SORCS1: variants seen among roughly 807,000 people sequenced by gnomAD.
SORCS1 encodes the protein VPS10 domain-containing receptor SorCS1.
A neutral mutation model predicts 146.1 loss-of-function variants in SORCS1; 60 were observed. The ratio of observed to expected loss-of-function variants is 0.41; its 90% CI spans 0.33 to 0.51. The LOEUF is 0.51. SORCS1 is among the 20% of genes least tolerant of loss of function. The probability of loss-of-function intolerance (pLI) is 0.21; values close to 1 mark genes in which losing one functional copy is unlikely to be tolerated. For synonymous variants in SORCS1, 637 were observed against 584.0 expected, an observed-to-expected ratio of 1.09 and a Z score of -1.31; for missense variants, 1,352 against 1,487.6, an observed-to-expected ratio of 0.91 and a Z score of 1.50.
At chr10:106,726,077 T>C (rs894405330) in intron 6 of SORCS1, among the ~76,000 whole-genome samples, 4 of 152,054 alleles carry the variant, frequency 2.6e-5, no homozygotes, top group African/African-American at 9.6e-5. Context: ...CTTGCTACCC[T>C]GACCTCTCTG....
At chr10:106,842,137 G>A (rs968517724) in intron 2 of SORCS1, among the ~76,000 whole-genome samples, 21 of 151,918 alleles carry the variant, frequency 1.4e-4, no homozygotes, top group African/African-American at 3.2e-4. Flanking sequence ...GTATAGCAGC[G>A]TATCATTTTT....
intron 1 of SORCS1, among the ~76,000 whole-genome samples, chr10:107,154,191 T>C (rs989290382): frequency 4.6e-5 from 7 of 151,848 alleles, no homozygotes; most frequent in Non-Finnish European, 8.8e-5. Flanking sequence ...TTAATAGAGA[T>C]GGGGTTTCTC....
At chr10:106,976,652 C>A (rs955566452) in intron 1 of SORCS1, among the ~76,000 whole-genome samples, 1 of 152,062 alleles carries the variant, frequency 6.6e-6, no homozygotes, top group African/African-American at 2.4e-5. Flanking sequence ...GGTTTTAAGC[C>A]GCACATGCAT....
At chr10:106,831,117 C>T (rs980293965) in intron 2 of SORCS1, among the ~76,000 whole-genome samples, 2 of 152,000 alleles carry the variant, frequency 1.3e-5, no homozygotes, top group Non-Finnish European at 1.5e-5. Flanking sequence ...TGATTAAACC[C>T]GGGAGGTGGA....
At chr10:106,817,608 A>T (rs377465205) in intron 3 of SORCS1, among the ~76,000 whole-genome samples, 125 of 152,340 alleles carry the variant, frequency 8.2e-4, no homozygotes, top group African/African-American at 2.9e-3. Context: ...TCAAAGGAAC[A>T]TTTTATGAGC....
At chr10:106,776,415 G>C (rs1290749751) in intron 4 of SORCS1, 119 bp downstream of exon 4, 1 of 1,283,554 alleles carries the variant, frequency 7.8e-7, no homozygotes, top group African/African-American at 1.5e-5. Flanking sequence ...TAGCACAGAG[G>C]TCAGGCTACT....
chr10:106,960,015 C>A lies in SORCS1; in HGVS notation c.559-3435G>T, dbSNP rs1312749897. Among the ~76,000 whole-genome samples, 4 of 152,140 alleles carry A rather than the reference C, an allele frequency of 2.6e-5. No homozygotes were observed. The highest frequency in any genetic ancestry group is 2.9e-5 in the Non-Finnish European group (2 of 68,022). ...GCATATGAACATATATACCCCCACA[C>A]AAAGTGGCATATCCATCAGCACCCC... is the stretch of plus-strand genomic sequence containing the variant. On this transcript the variant is annotated intron_variant, in intron 1 of 25. Transcript: ENST00000263054. The surrounding 1 kb of genome is among the most constrained non-coding windows in gnomAD (Gnocchi z 4.4).
At chr10:107,027,541 T>C (rs1222808541) in intron 1 of SORCS1, among the ~76,000 whole-genome samples, 1 of 152,152 alleles carries the variant, frequency 6.6e-6, no homozygotes, top group African/African-American at 2.4e-5. Context: ...TCCAGGGAAC[T>C]TGCTGTGTGA....
intron 1 of SORCS1, among the ~76,000 whole-genome samples, chr10:107,038,361 C>T (rs937717881): frequency 1.6e-5 from 2 of 126,492 alleles, no homozygotes; most frequent in Non-Finnish European, 1.6e-5. Context: ...GTAATGTATA[C>T]GGGTCCTAAA....
intron 2 of SORCS1, among the ~76,000 whole-genome samples, chr10:106,928,261 C>T (rs1287814717): frequency 6.6e-6 from 1 of 152,234 alleles, no homozygotes; most frequent in Non-Finnish European, 1.5e-5. Context: ...GAGGAGGCAG[C>T]TAAGGCCAGG....
intron 12 of SORCS1, among the ~76,000 whole-genome samples, chr10:106,678,411 G>T (rs1162287931): frequency 6.6e-6 from 1 of 152,076 alleles, no homozygotes; most frequent in Non-Finnish European, 1.5e-5. Flanking sequence ...ATCTATAGAG[G>T]GTCTGAAGCT....
intron 1 of SORCS1, among the ~76,000 whole-genome samples, chr10:107,031,842 A>G (rs751232976): frequency 2.6e-5 from 4 of 152,184 alleles, no homozygotes; most frequent in Non-Finnish European, 5.9e-5. Flanking sequence ...ACTAAAACTC[A>G]GCATCTTTTC....
intron 2 of SORCS1, among the ~76,000 whole-genome samples, chr10:106,869,097 T>C: frequency 6.6e-6 from 1 of 152,016 alleles, no homozygotes; most frequent in Non-Finnish European, 1.5e-5. Flanking sequence ...CTAGAAGAGA[T>C]GGACAAATTT....
chr10:107,005,178 A>G (rs1192808676), intron 1 of SORCS1, among the ~76,000 whole-genome samples: 1 of 152,166 alleles, frequency 6.6e-6, no homozygotes, highest in Non-Finnish European at 1.5e-5. Context: ...TGAAAAGCCA[A>G]GAGAGGCTTG....
intron 10 of SORCS1, among the ~76,000 whole-genome samples, chr10:106,680,055 T>A (rs1315097094): frequency 6.6e-6 from 1 of 152,142 alleles, no homozygotes; most frequent in Non-Finnish European, 1.5e-5. Flanking sequence ...AAAAAGAGAA[T>A]CTTTTAACAG....
intron 1 of SORCS1, among the ~76,000 whole-genome samples, chr10:107,109,376 A>G (rs1965524143): frequency 2.0e-5 from 3 of 151,966 alleles, no homozygotes; most frequent in Admixed American, 2.0e-4. Flanking sequence ...TTACTCATAC[A>G]CTCTGTGAAT....
intron 3 of SORCS1, among the ~76,000 whole-genome samples, chr10:106,821,225 A>G (rs959644930): frequency 2.5e-4 from 38 of 152,204 alleles, no homozygotes; most frequent in Non-Finnish European, 4.4e-4. Context: ...AATCTTCATA[A>G]TATTTAGAGA....
intron 1 of SORCS1, among the ~76,000 whole-genome samples, chr10:107,051,147 T>C (rs1268432161): frequency 2.6e-5 from 4 of 152,132 alleles, no homozygotes; most frequent in Non-Finnish European, 4.4e-5. Context: ...AAGGAGCTTA[T>C]AGTTTAGTGG....
intron 1 of SORCS1, among the ~76,000 whole-genome samples, chr10:107,039,196 C>T (rs999339714): frequency 6.6e-6 from 1 of 151,428 alleles, no homozygotes; most frequent in African/African-American, 2.4e-5. Flanking sequence ...GGCGTAGTGG[C>T]GGGCGCCTGT....
Sources: gnomAD v4.1 joint callset for allele counts (sites outside exome capture counted in the v4.1 genomes callset) on GRCh38, gnomAD v4.1.1 for gene constraint, Gnocchi (gnomAD v3.1) non-coding constraint, MANE v1.5 for transcripts, NCBI Gene and HGNC (gene_info 2026-07-23, HGNC 2026-07-21) for gene names.